FARP1: variants seen among roughly 807,000 people sequenced by gnomAD.
The protein encoded by FARP1 is FERM, ARHGEF and pleckstrin domain-containing protein 1.
Under a neutral mutation model 128.8 loss-of-function variants are expected in FARP1, and 52 were observed. That is an observed-to-expected ratio of 0.40 (90% CI 0.32 to 0.51). The LOEUF is 0.51. FARP1 is among the 20% of genes least tolerant of loss of function. The probability of loss-of-function intolerance (pLI) is 0.45; values close to 1 mark genes in which losing one functional copy is unlikely to be tolerated. For missense variants in FARP1, 1,333 were observed against 1,367.9 expected (o/e 0.97, Z 0.40); for synonymous variants, 580 against 551.8 (o/e 1.05, Z -0.72).
At chr13:98,312,866 G>C (rs147903922) in intron 2 of FARP1, among the ~76,000 whole-genome samples, 1 of 152,266 alleles carries the variant, frequency 6.6e-6, no homozygotes, top group Non-Finnish European at 1.5e-5. Context: ...GGTCTTTACA[G>C]TGCGGCTTCT....
At chr13:98,335,640 A>G (rs1186627062) in intron 2 of FARP1, among the ~76,000 whole-genome samples, 1 of 152,236 alleles carries the variant, frequency 6.6e-6, no homozygotes. Context: ...TCTGCTTAGC[A>G]TAGTGACTGC....
rs144157616 is a variant in FARP1 at position 98,386,531 on chromosome 13, A to G, written c.759+717A>G. 5.9e-5 allele frequency among the ~76,000 whole-genome samples: 9 copies of G among 152,274 alleles called. 1 individual carries two copies. The highest frequency in any genetic ancestry group is 3.9e-4 in the East Asian group (2 of 5,186). On this transcript the variant is annotated intron_variant, in intron 8 of 26. Coordinates refer to ENST00000319562, the MANE Select transcript of FARP1 (RefSeq NM_005766.4). Reference sequence around the variant, plus strand: ...GCACACACTTGAAGTGCATAGTTTGATAGGTTTTTATTATATATATGTATA... The same window carrying G: ...GCACACACTTGAAGTGCATAGTTTGGTAGGTTTTTATTATATATATGTATA...
At chr13:98,168,197 T>A (rs955061481) in intron 1 of FARP1, among the ~76,000 whole-genome samples, 18 of 151,732 alleles carry the variant, frequency 1.2e-4, no homozygotes, top group African/African-American at 4.1e-4. Flanking sequence ...AATAAATAAA[T>A]AAAAAAGTTT....
intron 2 of FARP1, among the ~76,000 whole-genome samples, chr13:98,342,939 A>G (rs764889550): frequency 3.9e-5 from 6 of 152,004 alleles, no homozygotes; most frequent in Non-Finnish European, 7.4e-5. Flanking sequence ...CAGGAGAATC[A>G]GTTGAACCCG....
intron 1 of FARP1, among the ~76,000 whole-genome samples, chr13:98,171,371 C>T (rs562450706): frequency 1.1e-4 from 16 of 152,288 alleles, no homozygotes; most frequent in Admixed American, 9.8e-4. Context: ...ACGCCCTTCC[C>T]CCTCCCATTC....
At chr13:98,417,936 T>C (rs1043044240) in intron 16 of FARP1, among the ~76,000 whole-genome samples, 41 of 152,308 alleles carry the variant, frequency 2.7e-4, no homozygotes, top group African/African-American at 9.6e-4. Context: ...AAAAGAAAAA[T>C]CAGTGTTCAT....
intron 15 of FARP1, 49 bp downstream of exon 15, chr13:98,410,872 G>T: frequency 1.1e-6 from 1 of 949,036 alleles, no homozygotes; most frequent in Admixed American, 2.0e-5. Context: ...ATTTATCTCA[G>T]CTAATACTCA....
intron 2 of FARP1, among the ~76,000 whole-genome samples, chr13:98,290,291 G>T (rs1260415778): frequency 6.6e-6 from 1 of 151,940 alleles, no homozygotes; most frequent in African/African-American, 2.4e-5. Context: ...GTGTGCAAAT[G>T]GATATATACA....
chr13:98,359,038 T>C (rs1226423061), intron 3 of FARP1, among the ~76,000 whole-genome samples: 2 of 152,248 alleles, frequency 1.3e-5, no homozygotes, highest in Non-Finnish European at 2.9e-5. Context: ...TTGGCTCCTA[T>C]ATGTGTTACA....
intron 2 of FARP1, among the ~76,000 whole-genome samples, chr13:98,316,697 G>T (rs1886736891): frequency 1.3e-5 from 2 of 152,218 alleles, no homozygotes; most frequent in South Asian, 2.1e-4. Flanking sequence ...TTGCAAGCAT[G>T]TGTATAGCTT....
rs150842726 is a variant in FARP1, at chr13:98,220,125, T to C, written c.171+6712T>C. On this transcript the variant is annotated intron_variant, in intron 2 of 26. Coordinates refer to ENST00000319562, the MANE Select transcript of FARP1 (RefSeq NM_005766.4). ...GTCTTGAGGGGGCGGGGTCTATCTC[T>C]TCTGTAAGTGTAGCGGTTCCGACTC... 4.3e-4 allele frequency among the ~76,000 whole-genome samples: 65 copies of C among 152,286 alleles called. No individual in the cohort carries two copies. In the East Asian group the frequency reaches 0.012, roughly 28 times the overall value.
chr13:98,346,862 G>T (rs1170342261), intron 3 of FARP1, among the ~76,000 whole-genome samples: 5 of 152,194 alleles, frequency 3.3e-5, no homozygotes, highest in African/African-American at 1.2e-4. Context: ...TCTTGATCTG[G>T]ATGCTGGTTC....
chr13:98,306,462 C>G (rs1886160869), intron 2 of FARP1, among the ~76,000 whole-genome samples: 1 of 152,122 alleles, frequency 6.6e-6, no homozygotes, highest in South Asian at 2.1e-4. Flanking sequence ...AACGACAAGA[C>G]TTAGAATTCA....
chr13:98,377,324 A>T (rs1889631910), intron 5 of FARP1, among the ~76,000 whole-genome samples: 1 of 151,188 alleles, frequency 6.6e-6, no homozygotes, highest in African/African-American at 2.4e-5. Flanking sequence ...AGAAAAGAAA[A>T]TGAATTTTTA....
intron 3 of FARP1, among the ~76,000 whole-genome samples, chr13:98,352,342 G>A (rs1888470315): frequency 6.6e-6 from 1 of 152,206 alleles, no homozygotes; most frequent in African/African-American, 2.4e-5. Flanking sequence ...CAGCTGAAAT[G>A]GGTAAGGCCT....
intron 2 of FARP1, among the ~76,000 whole-genome samples, chr13:98,286,671 A>T (rs1321596706): frequency 6.6e-6 from 1 of 152,156 alleles, no homozygotes. Flanking sequence ...GCAGCGTGAA[A>T]ATGGACTAAA....
At chr13:98,314,028 G>T (rs185563096) in intron 2 of FARP1, among the ~76,000 whole-genome samples, 1 of 152,216 alleles carries the variant, frequency 6.6e-6, no homozygotes, top group African/African-American at 2.4e-5. Context: ...GGTCCCTCTT[G>T]TGTAACACGG....
chr13:98,165,775 T>C (rs12871202), intron 1 of FARP1, among the ~76,000 whole-genome samples: 136 of 123,870 alleles, frequency 1.1e-3, no homozygotes, highest in African/African-American at 3.9e-3. Context: ...TGGAGTACAG[T>C]GGTGCGATCT....
chr13:98,163,039 C>T (rs1004504067), intron 1 of FARP1, among the ~76,000 whole-genome samples: 1 of 152,080 alleles, frequency 6.6e-6, no homozygotes, highest in African/African-American at 2.4e-5. Flanking sequence ...CATTGCAGCA[C>T]CATTCACAAT....
Sources: gnomAD v4.1 joint callset for allele counts (sites outside exome capture counted in the v4.1 genomes callset) on GRCh38, gnomAD v4.1.1 for gene constraint, MANE v1.5 for transcripts, NCBI Gene and HGNC (gene_info 2026-07-23, HGNC 2026-07-21) for gene names.